GPSM3: variants seen among roughly 807,000 people sequenced by gnomAD.
GPSM3 encodes G protein-signaling modulator 3.
In GPSM3, 16 loss-of-function variants were observed where a neutral mutation model predicts 20.4. The observed-to-expected ratio is 0.78, with a 90% CI of 0.53 to 1.19. GPSM3 has a LOEUF of 1.19. GPSM3 is among the 50% of genes most tolerant of loss of function. The probability of loss-of-function intolerance (pLI) is 0.00; values close to 1 mark genes in which losing one functional copy is unlikely to be tolerated. For missense variants in GPSM3, 177 were observed against 204.6 expected, an observed-to-expected ratio of 0.86 and a Z score of 0.82; for synonymous variants, 70 against 79.6, an observed-to-expected ratio of 0.88 and a Z score of 0.64.
chr6:32,191,339 A>G lies in GPSM3; in HGVS notation c.*27T>C. ...GCTGCCCAGCTTTGAGACCAGTGGC[A>G]AGGAAGGGCTGGTTGGGGCTCAAGT... On this transcript the variant is annotated 3_prime_UTR_variant, in exon 4 of 4. Transcript: ENST00000375040. The surrounding 1 kb of genome is among the most constrained non-coding windows in gnomAD (Gnocchi z 5.9). 1 of 1,571,612 alleles carries G rather than the reference A, an allele frequency of 6.4e-7. No individual in the cohort carries two copies.
Position 32,192,123 on chromosome 6 carries a change from G to A in GPSM3, c.145+25C>T. On this transcript the variant is annotated intron_variant, in intron 2 of 3. Coordinates refer to ENST00000375040, the MANE Select transcript of GPSM3 (RefSeq NM_001276501.2). The surrounding 1 kb of genome is among the most constrained non-coding windows in gnomAD (Gnocchi z 5.1). ...TCAGGATGTGGGCACTAGGGTCGGG[G>A]CTCTCCCTGGGTGGGTAGGGGTACC... 6.7e-7 allele frequency: 1 copy of A among 1,491,472 alleles called. No individual in the cohort carries two copies. The highest frequency in any genetic ancestry group is 9.0e-7 in the Non-Finnish European group (1 of 1,111,844). The allele number at this position is 1,491,472 out of a possible 1,614,324, so 92.4% of individuals were successfully genotyped here. A position where few individuals can be genotyped will look rare whatever the true frequency, so the allele number is the denominator to read the frequency against.
At position 32,191,762 on chromosome 6, in the gene GPSM3, G is replaced by A. The variant is rs766846844; in HGVS notation, c.292C>T (p.Leu98Phe). 6.2e-7 allele frequency: 1 copy of A among 1,612,834 alleles called. No homozygotes were observed. The highest frequency in any genetic ancestry group is 8.5e-7 in the Non-Finnish European group (1 of 1,179,888). ...TGTTCTCTGTCCTCGAGAGGACGGA[G>A]TGGGGCAGGGGCTAGGCTTGAGGGG... Reference protein sequence around the residue: ...QNPSSLAPAPLRPLEDREQLY... With the variant: ...QNPSSLAPAPFRPLEDREQLY... Residue 98 changes from leucine (L) to phenylalanine (F), a missense_variant, in exon 3 of 4, where the codon CTC (leucine) becomes TTC (phenylalanine). Coordinates refer to ENST00000375040, the MANE Select transcript of GPSM3 (RefSeq NM_001276501.2). This position sits in a 1 kb window ranked among gnomAD's most constrained non-coding sequence, Gnocchi z 5.9.
At position 32,191,441 on chromosome 6, in the gene GPSM3, C is replaced by T. The variant is rs1375042882; in HGVS notation, c.408G>A (p.Leu136=). ...PPLPPGGQEL[L]ELLLRVQGGG... The stretch of plus-strand genomic sequence containing the variant: ...CACCCTGAACTCTCAGCAGCAACTC[C>T]AGGAGCTCTTGCCCCCCTGGAGGGA... The change falls in exon 4 of 4, where the codon CTG becomes CTA. Residue 136 remains leucine, a synonymous_variant. Coordinates refer to ENST00000375040, the MANE Select transcript of GPSM3 (RefSeq NM_001276501.2). This position sits in a 1 kb window ranked among gnomAD's most constrained non-coding sequence, Gnocchi z 5.9. 2 of 1,593,322 alleles carry T rather than the reference C, an allele frequency of 1.3e-6. No individual in the cohort carries two copies. Among genetic ancestry groups the T allele is most frequent in the South Asian group, 2.3e-5 (2 of 88,650 alleles).
At chr6:32,193,614 G>A (rs1182054133), upstream of GPSM3, among the ~76,000 whole-genome samples, 1 of 152,116 alleles carries the variant, frequency 6.6e-6, no homozygotes, top group Admixed American at 6.5e-5. This position sits in a 1 kb window ranked among gnomAD's most constrained non-coding sequence, Gnocchi z 4.7. Context: ...AAGGGGCAGG[G>A]GAAATTTTAT....
rs1441764041 is a variant in GPSM3, at chr6:32,191,258, C to T, written c.*108G>A. The T allele has an allele frequency of 1.0e-5, 13 of 1,290,448 alleles. No homozygotes were observed. The highest frequency in any genetic ancestry group is 3.2e-6 in the Non-Finnish European group (3 of 944,390). The allele number at this position is 1,290,448 out of a possible 1,614,324, so 79.9% of individuals were successfully genotyped here. A position where few individuals can be genotyped will look rare whatever the true frequency, so the allele number is the denominator to read the frequency against. Reference sequence around the variant, plus strand: ...TGGGAGATGAATATTGAGATTTGTGCCGTGTCTTTCAGTCTCTGGTACCCC... The same window carrying T: ...TGGGAGATGAATATTGAGATTTGTGTCGTGTCTTTCAGTCTCTGGTACCCC... On this transcript the variant is annotated 3_prime_UTR_variant, in exon 4 of 4. Transcript: ENST00000375040. The surrounding 1 kb of genome is among the most constrained non-coding windows in gnomAD (Gnocchi z 5.9).
rs746677036 is a variant in GPSM3, at chr6:32,191,676, G to A, written c.345+33C>T. On this transcript the variant is annotated intron_variant, in intron 3 of 3. Coordinates refer to ENST00000375040, the MANE Select transcript of GPSM3 (RefSeq NM_001276501.2). The surrounding 1 kb of genome is among the most constrained non-coding windows in gnomAD (Gnocchi z 5.9). ...GAGAACAGGGGCCAAGAGACCAGGAGGCCTGGGTTTGCCTCCTGGGGGGAT... is the reference window on the plus strand; with the variant it reads ...GAGAACAGGGGCCAAGAGACCAGGAAGCCTGGGTTTGCCTCCTGGGGGGAT... 1.9e-6 allele frequency: 3 copies of A among 1,553,792 alleles called. No homozygotes were observed. Among genetic ancestry groups the A allele is most frequent in the Admixed American group, 1.8e-5 (1 of 55,946 alleles).
Position 32,192,362 on chromosome 6 carries a change from T to C in GPSM3, c.42+110A>G, listed in dbSNP as rs1787594929. 2 of 1,385,966 alleles carry C rather than the reference T, an allele frequency of 1.4e-6. No homozygotes were observed. Among genetic ancestry groups the C allele is most frequent in the Non-Finnish European group, 2.0e-6 (2 of 1,007,044 alleles). The allele number at this position is 1,385,966 out of a possible 1,614,324, so 85.9% of individuals were successfully genotyped here. ...CTCTCTGTGTGTCTCTGTTCCTGCC[T>C]CAGTTTGCCCAAGCCTTTCAAGGCC... On this transcript the variant is annotated intron_variant, in intron 1 of 3. Transcript: ENST00000375040. This position sits in a 1 kb window ranked among gnomAD's most constrained non-coding sequence, Gnocchi z 5.1.
In GPSM3 at chr6:32,191,307, G is replaced by T. The variant is rs937094348; in HGVS notation, c.*59C>A. 6.5e-7 allele frequency: 1 copy of T among 1,542,068 alleles called. No homozygotes were observed. ...CCTGCCAAGCAAGAGTTGAGGGCATGCAATGGGCTGCCCAGCTTTGAGACC... is the reference window on the plus strand; with the variant it reads ...CCTGCCAAGCAAGAGTTGAGGGCATTCAATGGGCTGCCCAGCTTTGAGACC... On this transcript the variant is annotated 3_prime_UTR_variant, in exon 4 of 4. Transcript: ENST00000375040. The surrounding 1 kb of genome is among the most constrained non-coding windows in gnomAD (Gnocchi z 5.9).
In GPSM3 at chr6:32,192,311, A is replaced by AG; in HGVS notation, c.43-62dup. 7.1e-7 allele frequency: 1 copy of AG among 1,408,616 alleles called. No homozygotes were observed. Among genetic ancestry groups the AG allele is most frequent in the Non-Finnish European group, 9.7e-7 (1 of 1,029,422 alleles). 87.3% of individuals were successfully genotyped at this position (1,408,616 alleles called of 1,614,324 possible). On this transcript the variant is annotated intron_variant, in intron 1 of 3. Coordinates refer to ENST00000375040, the MANE Select transcript of GPSM3 (RefSeq NM_001276501.2). This position sits in a 1 kb window ranked among gnomAD's most constrained non-coding sequence, Gnocchi z 5.1. ...GGTGGTTGAAGCGGGAGGAGTGGAC[A>AG]GGGGGCTAGGCCAGTGGCCCGTTTC...
Position 32,192,019 on chromosome 6 carries a change from G to C in GPSM3, c.146-111C>G, listed in dbSNP as rs1297022219. ...TAGGGACTTTGGATCAGAGGAGAGG[G>C]GGTGCAATGGGGAATCCCAAGGGGA... On this transcript the variant is annotated intron_variant, in intron 2 of 3. Coordinates refer to ENST00000375040, the MANE Select transcript of GPSM3 (RefSeq NM_001276501.2). This position sits in a 1 kb window ranked among gnomAD's most constrained non-coding sequence, Gnocchi z 5.1. The C allele has an allele frequency of 1.6e-6, 2 of 1,236,786 alleles. No homozygotes were observed. Among genetic ancestry groups the C allele is most frequent in the Non-Finnish European group, 2.3e-6 (2 of 864,034 alleles). 76.6% of individuals were successfully genotyped at this position (1,236,786 alleles called of 1,614,324 possible). A position where few individuals can be genotyped will look rare whatever the true frequency, so the allele number is the denominator to read the frequency against.
chr6:32,194,989 C>G (rs1787760311), upstream of GPSM3: 3 of 240,792 alleles, frequency 1.2e-5, no homozygotes, highest in African/African-American at 6.6e-5. This position sits in a 1 kb window ranked among gnomAD's most constrained non-coding sequence, Gnocchi z 4.5. Flanking sequence ...GGGGGTGGCC[C>G]TTGGCCACTT....
At chr6:32,194,208 T>C (rs1787712263), upstream of GPSM3, 1 of 152,158 alleles carries the variant, frequency 6.6e-6, no homozygotes, top group Admixed American at 6.6e-5. The surrounding 1 kb of genome is among the most constrained non-coding windows in gnomAD (Gnocchi z 4.5). Context: ...ACTCTCTCCA[T>C]CTACTTGACT....
At chr6:32,195,460 GGTTT>G, upstream of GPSM3, 2 of 1,605,542 alleles carry the variant, frequency 1.2e-6, no homozygotes, top group Non-Finnish European at 1.7e-6. This position sits in a 1 kb window ranked among gnomAD's most constrained non-coding sequence, Gnocchi z 5.4. Context: ...TCTCCTCCTT[GGTTT>G]ATGGGCATTT....
chr6:32,191,784 G>C lies in GPSM3; in HGVS notation c.270C>G (p.Pro90=). The change falls in exon 3 of 4, where the codon CCC becomes CCG. Residue 90 remains proline (P), a synonymous_variant. Coordinates refer to ENST00000375040, the MANE Select transcript of GPSM3 (RefSeq NM_001276501.2). The surrounding 1 kb of genome is among the most constrained non-coding windows in gnomAD (Gnocchi z 5.9). ...GGAGTGGGGCAGGGGCTAGGCTTGA[G>C]GGGTTTTGGGGGGTGTAGAAGGTGG... ...QRATFYTPQN[P]SSLAPAPLRP... 6.2e-7 allele frequency: 1 copy of C among 1,612,562 alleles called. No homozygotes were observed. The highest frequency in any genetic ancestry group is 8.5e-7 in the Non-Finnish European group (1 of 1,179,680).
rs1787527681 is a variant in GPSM3, at chr6:32,191,689, C to A, written c.345+20G>T. 1.9e-6 allele frequency: 3 copies of A among 1,582,752 alleles called. No homozygotes were observed. Among genetic ancestry groups the A allele is most frequent in the South Asian group, 1.1e-5 (1 of 87,704 alleles). On this transcript the variant is annotated intron_variant, in intron 3 of 3. Coordinates refer to ENST00000375040, the MANE Select transcript of GPSM3 (RefSeq NM_001276501.2). This position sits in a 1 kb window ranked among gnomAD's most constrained non-coding sequence, Gnocchi z 5.9. ...AAGAGACCAGGAGGCCTGGGTTTGC[C>A]TCCTGGGGGGATGTCTTACCTGGTG...
chr6:32,192,806 C>T (rs573947163), upstream of GPSM3: 43 of 373,314 alleles, frequency 1.2e-4, no homozygotes, highest in Non-Finnish European at 1.6e-4. The surrounding 1 kb of genome is among the most constrained non-coding windows in gnomAD (Gnocchi z 5.1). Context: ...GGAGGGGGCT[C>T]ATGGTGGGGA....
At chr6:32,195,357 CATCTTA>C (rs929753889), upstream of GPSM3, 6 of 1,342,956 alleles carry the variant, frequency 4.5e-6, no homozygotes, top group African/African-American at 8.8e-5. The surrounding 1 kb of genome is among the most constrained non-coding windows in gnomAD (Gnocchi z 5.4). Flanking sequence ...TTGGGGGATC[CATCTTA>C]AAACCAGGAA....
Position 32,191,203 on chromosome 6 carries a change from C to T in GPSM3, c.*163G>A. ...CCTGTTCCCAGAGTTTGAGGACTTT[C>T]ACCCTGTCCAGTTCCCAGGGAAGGT... On this transcript the variant is annotated 3_prime_UTR_variant, in exon 4 of 4. Transcript: ENST00000375040. The surrounding 1 kb of genome is among the most constrained non-coding windows in gnomAD (Gnocchi z 5.9). The T allele has an allele frequency of 1.2e-6, 1 of 853,204 alleles. No individual in the cohort carries two copies. Among genetic ancestry groups the T allele is most frequent in the Non-Finnish European group, 1.7e-6 (1 of 577,704 alleles). The allele number at this position is 853,204 out of a possible 1,614,324, so 52.9% of individuals were successfully genotyped here. A position where few individuals can be genotyped will look rare whatever the true frequency, so the allele number is the denominator to read the frequency against.
chr6:32,195,279 TG>T, upstream of GPSM3: 1 of 684,714 alleles, frequency 1.5e-6, no homozygotes, highest in Non-Finnish European at 2.4e-6. This position sits in a 1 kb window ranked among gnomAD's most constrained non-coding sequence, Gnocchi z 5.4. Context: ...CTTCTCCACG[TG>T]GAAGATGTCT....
Sources: gnomAD v4.1 joint callset for allele counts (sites outside exome capture counted in the v4.1 genomes callset) on GRCh38, gnomAD v4.1.1 for gene constraint, Gnocchi (gnomAD v3.1) non-coding constraint, MANE v1.5 for transcripts, NCBI Gene and HGNC (gene_info 2026-07-23, HGNC 2026-07-21) for gene names.